The following HPSE2 variants were observed in gnomAD, a reference collection of about 807,000 sequenced individuals.
HPSE2 encodes the protein heparanase 2 (inactive), also known as inactive heparanase-2.
Under a neutral mutation model 60.5 loss-of-function variants are expected in HPSE2, and 38 were observed. The observed-to-expected ratio is 0.63, with a 90% confidence interval of 0.48 to 0.82. HPSE2 has a LOEUF of 0.82. Ranked by LOEUF, HPSE2 falls within the 40% of genes least tolerant of loss-of-function variation. HPSE2 has a pLI of 0.00. For missense variants in HPSE2, 713 were observed against 740.4 expected (o/e 0.96, Z 0.43); for synonymous variants, 295 against 293.2 (o/e 1.01, Z -0.06).
In HPSE2 at chr10:98,625,034, T is replaced by A. The variant is rs560717930; in HGVS notation, c.1099-4326A>T. ...AGCTCTTTGAAGGCAGGGAATACTTTTATTCACTTTTGTATTTACTTCCTA... is the reference window on the plus strand; with the variant it reads ...AGCTCTTTGAAGGCAGGGAATACTTATATTCACTTTTGTATTTACTTCCTA... On this transcript the variant is annotated intron_variant, in intron 7 of 11. Transcript: ENST00000370552. Among the ~76,000 whole-genome samples the A allele has an allele frequency of 3.3e-5, 5 of 152,380 alleles. No homozygotes were observed. In the East Asian group the frequency reaches 9.6e-4, roughly 29 times the overall value.
At chr10:99,054,318 C>T (rs1021450899) in intron 3 of HPSE2, among the ~76,000 whole-genome samples, 2 of 152,122 alleles carry the variant, frequency 1.3e-5, no homozygotes, top group Non-Finnish European at 2.9e-5. Flanking sequence ...AAGCAGAGTT[C>T]CTGGCCCTAT....
At chr10:98,486,323 C>T (rs1941440219) in intron 10 of HPSE2, among the ~76,000 whole-genome samples, 3 of 152,120 alleles carry the variant, frequency 2.0e-5, no homozygotes, top group African/African-American at 7.2e-5. Context: ...CATTTGCTGG[C>T]CCTCTGAGGT....
At chr10:98,603,469 C>T (rs1367841069) in intron 9 of HPSE2, among the ~76,000 whole-genome samples, 3 of 144,358 alleles carry the variant, frequency 2.1e-5, no homozygotes, top group Admixed American at 7.2e-5. Flanking sequence ...CTTGCTCTGT[C>T]GCCAGGCTGG....
chr10:99,124,790 A>G (rs1428929049), intron 3 of HPSE2, among the ~76,000 whole-genome samples: 11 of 152,234 alleles, frequency 7.2e-5, no homozygotes, highest in Non-Finnish European at 1.6e-4. Flanking sequence ...GTCCGCAGCC[A>G]TCACTGGGCA....
the HPSE2 span, among the ~76,000 whole-genome samples, chr10:99,261,878 C>A: frequency 6.6e-6 from 1 of 152,242 alleles, no homozygotes; most frequent in Non-Finnish European, 1.5e-5. Flanking sequence ...TGCCAAAAAT[C>A]TGGCCACTGT....
chr10:99,060,044 C>A (rs1185349084), intron 3 of HPSE2, among the ~76,000 whole-genome samples: 1 of 149,408 alleles, frequency 6.7e-6, no homozygotes, highest in Non-Finnish European at 1.5e-5. Flanking sequence ...CAACATCTCC[C>A]CACACACACA....
chr10:99,172,650 G>A (rs1847356695), intron 2 of HPSE2, among the ~76,000 whole-genome samples: 3 of 152,076 alleles, frequency 2.0e-5, no homozygotes, highest in Admixed American at 6.5e-5. Context: ...GGCCAGGGTG[G>A]GGGGATCACC....
At chr10:99,310,352 T>C in the HPSE2 span, among the ~76,000 whole-genome samples, 17 of 152,224 alleles carry the variant, frequency 1.1e-4, no homozygotes, top group Middle Eastern at 3.2e-3. Context: ...CACTAAAATA[T>C]ATAAAAACAT....
chr10:98,886,150 A>T (rs1479990905), intron 3 of HPSE2, among the ~76,000 whole-genome samples: 1 of 151,870 alleles, frequency 6.6e-6, no homozygotes, highest in Non-Finnish European at 1.5e-5. Context: ...GTCTTAGTTC[A>T]CCTCCCCTAA....
At chr10:99,030,406 T>C (rs573191524) in intron 3 of HPSE2, among the ~76,000 whole-genome samples, 27 of 152,264 alleles carry the variant, frequency 1.8e-4, no homozygotes, top group Admixed American at 5.9e-4. Context: ...CTCAACATAA[T>C]TGATCATCAG....
chr10:99,020,364 A>T (rs533998667), intron 3 of HPSE2, among the ~76,000 whole-genome samples: 50 of 152,348 alleles, frequency 3.3e-4, no homozygotes, highest in African/African-American at 1.2e-3. Flanking sequence ...GAGTAAACAG[A>T]CATAGAAAGG....
At chr10:98,801,898 A>G (rs1012886883) in intron 3 of HPSE2, among the ~76,000 whole-genome samples, 1 of 152,176 alleles carries the variant, frequency 6.6e-6, no homozygotes, top group Non-Finnish European at 1.5e-5. Context: ...ACCCTGGGCA[A>G]AAAGAACAAA....
chr10:99,027,923 T>C (rs1044841276), intron 3 of HPSE2, among the ~76,000 whole-genome samples: 3 of 152,192 alleles, frequency 2.0e-5, no homozygotes, highest in Non-Finnish European at 4.4e-5. Context: ...ATCATTTCAA[T>C]TGATGTTGAA....
At chr10:98,599,015 C>T (rs1048224092) in intron 9 of HPSE2, among the ~76,000 whole-genome samples, 4 of 151,904 alleles carry the variant, frequency 2.6e-5, no homozygotes, top group Admixed American at 6.5e-5. Context: ...GAACCTGGGT[C>T]CACAGAGGTG....
At chr10:99,276,123 T>C in the HPSE2 span, among the ~76,000 whole-genome samples, 6 of 152,192 alleles carry the variant, frequency 3.9e-5, no homozygotes, top group African/African-American at 1.4e-4. Context: ...AAATGCCCAA[T>C]AATTATGTTG....
chr10:98,728,410 G>C (rs1949145131), intron 4 of HPSE2, among the ~76,000 whole-genome samples: 2 of 152,080 alleles, frequency 1.3e-5, no homozygotes, highest in South Asian at 4.1e-4. Context: ...CTGAGGTCAG[G>C]AGTTTGAGAC....
At chr10:98,846,676 T>C (rs931078984) in intron 3 of HPSE2, among the ~76,000 whole-genome samples, 5 of 152,098 alleles carry the variant, frequency 3.3e-5, no homozygotes, top group Non-Finnish European at 5.9e-5. Context: ...AACAAACAAA[T>C]AAACAAATGC....
intron 7 of HPSE2, among the ~76,000 whole-genome samples, chr10:98,639,969 A>C (rs1430048827): frequency 6.6e-6 from 1 of 152,232 alleles, no homozygotes; most frequent in East Asian, 1.9e-4. Context: ...TTCTAAATAT[A>C]CTAAGCACTC....
At chr10:98,715,196 C>A (rs1229409426) in intron 5 of HPSE2, among the ~76,000 whole-genome samples, 1 of 151,790 alleles carries the variant, frequency 6.6e-6, no homozygotes, top group African/African-American at 2.4e-5. Context: ...TTGGTAAAGT[C>A]CAATTTATCA....
Sources: gnomAD v4.1 joint callset for allele counts (sites outside exome capture counted in the v4.1 genomes callset) on GRCh38, gnomAD v4.1.1 for gene constraint, MANE v1.5 for transcripts, NCBI Gene and HGNC (gene_info 2026-07-23, HGNC 2026-07-21) for gene names.